Variants in SUPT3H observed in about 807,000 individuals in gnomAD.
The protein encoded by SUPT3H is transcription initiation protein SPT3 homolog.
A neutral mutation model predicts 44.3 loss-of-function variants in SUPT3H; 44 were observed. That is an observed-to-expected ratio of 0.99 (90% confidence interval 0.78 to 1.28). The LOEUF (loss-of-function observed/expected upper bound fraction) is 1.28, where lower values mean the gene tolerates loss of function less well. Ranked by LOEUF, SUPT3H falls within the 50% of genes most tolerant of loss-of-function variation. The pLI, the probability that SUPT3H is intolerant of heterozygous loss-of-function variation, is 0.00. For synonymous variants in SUPT3H, 124 were observed against 125.6 expected (o/e 0.99, Z 0.09); for missense variants, 380 against 387.1 (o/e 0.98, Z 0.15).
chr6:44,942,446 A>G (rs1772598046), intron 9 of SUPT3H, among the ~76,000 whole-genome samples: 1 of 152,218 alleles, frequency 6.6e-6, no homozygotes, highest in Non-Finnish European at 1.5e-5. Flanking sequence ...CAGTGGGTAG[A>G]GGAGTGGCTA....
Position 45,351,933 on chromosome 6 carries a change from C to T in SUPT3H, c.101+13268G>A, listed in dbSNP as rs144966063. On this transcript the variant is annotated intron_variant, in intron 2 of 10. Coordinates refer to ENST00000371459, the MANE Select transcript of SUPT3H (RefSeq NM_003599.4). The stretch of plus-strand genomic sequence containing the variant: ...GCTGAGTCACTGACAACTTAGGCAA[C>T]AATTAGTATACTCCTAATTAGCTTT... Among the ~76,000 whole-genome samples, 727 of 152,270 alleles carry T rather than the reference C, an allele frequency of 4.8e-3. 4 individuals are homozygous for T. Among genetic ancestry groups the T allele is most frequent in the African/African-American group, 0.017 (694 of 41,546 alleles).
chr6:45,071,876 C>A (rs1353371837), intron 3 of SUPT3H, among the ~76,000 whole-genome samples: 1 of 152,126 alleles, frequency 6.6e-6, no homozygotes, highest in Non-Finnish European at 1.5e-5. Context: ...TGTTGGTATT[C>A]CCTGGATTAT....
chr6:45,207,899 A>T (rs1763443706), intron 2 of SUPT3H, among the ~76,000 whole-genome samples: 1 of 152,168 alleles, frequency 6.6e-6, no homozygotes, highest in Admixed American at 6.6e-5. Context: ...TAACCCTACA[A>T]TGGCCTCTAA....
At position 45,220,739 on chromosome 6, in the gene SUPT3H, A is replaced by C. The variant is rs564509989; in HGVS notation, c.102-114733T>G. Among the ~76,000 whole-genome samples, 4 of 152,324 alleles carry C rather than the reference A, an allele frequency of 2.6e-5. No homozygotes were observed. The South Asian group carries it at 8.3e-4, about 32-fold the overall frequency. Reference sequence around the variant, plus strand: ...CAGAGTGAACCCTAGAAGAAAACCTAGGCCATACCATTCAGGACACAGGCA... The same window carrying C: ...CAGAGTGAACCCTAGAAGAAAACCTCGGCCATACCATTCAGGACACAGGCA... On this transcript the variant is annotated intron_variant, in intron 2 of 10. Transcript: ENST00000371459.
At chr6:44,900,812 CCT>C (rs769079169) in intron 10 of SUPT3H, among the ~76,000 whole-genome samples, 2 of 152,158 alleles carry the variant, frequency 1.3e-5, no homozygotes, top group Non-Finnish European at 2.9e-5. Flanking sequence ...CGGGTACTCC[CCT>C]GAGACAAAAC....
chr6:44,870,347 A>G lies in SUPT3H; in HGVS notation c.913-40490T>C, dbSNP rs374230690. Among the ~76,000 whole-genome samples, 8 of 152,320 alleles carry G rather than the reference A, an allele frequency of 5.3e-5. No individual in the cohort carries two copies. In the South Asian group the frequency reaches 1.2e-3, roughly 24 times the overall value. Reference sequence around the variant, plus strand: ...CGTGGTGGTTCATGCCTGTAATCCCAGCACTTCGTGAGTCTGAGGCAGGAG... The same window carrying G: ...CGTGGTGGTTCATGCCTGTAATCCCGGCACTTCGTGAGTCTGAGGCAGGAG... On this transcript the variant is annotated intron_variant, in intron 10 of 10. Transcript: ENST00000371459.
rs1290913494 is a variant in SUPT3H at position 44,829,394 on chromosome 6, GA to G, written c.*421del. The G allele has an allele frequency of 6.4e-6, 1 of 156,026 alleles. No individual in the cohort carries two copies. The highest frequency in any genetic ancestry group is 2.4e-5 in the African/African-American group (1 of 41,522). The allele number at this position is 156,026 out of a possible 1,614,324, so 9.7% of individuals were successfully genotyped here. The stretch of plus-strand genomic sequence containing the variant: ...GGAAAGTAAAGTTGGTGGTGTAAGG[GA>G]AGGCGAAAACTCACTGTCCTTTTAA... On this transcript the variant is annotated 3_prime_UTR_variant, in exon 11 of 11. Transcript: ENST00000371459.
At position 45,136,183 on chromosome 6, in the gene SUPT3H, A is replaced by G. The variant is rs1430645392; in HGVS notation, c.102-30177T>C. Among the ~76,000 whole-genome samples the G allele has an allele frequency of 2.6e-5, 4 of 152,236 alleles. 1 individual carries two copies. Among genetic ancestry groups the G allele is most frequent in the Non-Finnish European group, 5.9e-5 (4 of 68,036 alleles). ...CTATTTGAGCACAATCTCTGAACTGACTAAACACAAGGCTGTAAGAAACAG... is the reference window on the plus strand; with the variant it reads ...CTATTTGAGCACAATCTCTGAACTGGCTAAACACAAGGCTGTAAGAAACAG... On this transcript the variant is annotated intron_variant, in intron 2 of 10. Coordinates refer to ENST00000371459, the MANE Select transcript of SUPT3H (RefSeq NM_003599.4).
chr6:44,877,795 T>G (rs533215059), intron 10 of SUPT3H, among the ~76,000 whole-genome samples: 1 of 152,344 alleles, frequency 6.6e-6, no homozygotes, highest in East Asian at 1.9e-4. Context: ...TAGAATTCCA[T>G]TATCAGTGAA....
At chr6:45,059,961 G>C (rs554945484) in intron 3 of SUPT3H, among the ~76,000 whole-genome samples, 23 of 152,082 alleles carry the variant, frequency 1.5e-4, no homozygotes, top group African/African-American at 5.5e-4. Context: ...TAAACAAATG[G>C]AATAACATTC....
intron 10 of SUPT3H, among the ~76,000 whole-genome samples, 197 bp from the exon 11 acceptor site, chr6:44,830,054 G>C (rs563657895): frequency 6.6e-6 from 1 of 152,172 alleles, no homozygotes; most frequent in Admixed American, 6.5e-5. Context: ...TGGTTAACAA[G>C]TGGTTAGTGA....
At chr6:45,286,473 CAA>C (rs2149833870) in intron 2 of SUPT3H, among the ~76,000 whole-genome samples, 1 of 152,024 alleles carries the variant, frequency 6.6e-6, no homozygotes, top group Admixed American at 6.6e-5. Flanking sequence ...TTTATGCAAC[CAA>C]AAGACACGTG....
chr6:44,908,335 T>C lies in SUPT3H; in HGVS notation c.912+24318A>G, dbSNP rs1562021294. On this transcript the variant is annotated intron_variant, in intron 10 of 10. Coordinates refer to ENST00000371459, the MANE Select transcript of SUPT3H (RefSeq NM_003599.4). ...CCCAGCTAATTTTTTGTAATTTTAG[T>C]AGAGACGGGGTTTTACCGTGTTAGC... Among the ~76,000 whole-genome samples the C allele has an allele frequency of 3.9e-5, 6 of 152,002 alleles. No homozygotes were observed. In the South Asian group the frequency reaches 8.3e-4, roughly 21 times the overall value.
At chr6:45,344,288 G>A (rs1433427380) in intron 2 of SUPT3H, among the ~76,000 whole-genome samples, 1 of 152,100 alleles carries the variant, frequency 6.6e-6, no homozygotes, top group Non-Finnish European at 1.5e-5. Flanking sequence ...ATACAGTTGG[G>A]AACCACTTCA....
chr6:45,179,711 G>A lies in SUPT3H; in HGVS notation c.102-73705C>T, dbSNP rs557518856. Among the ~76,000 whole-genome samples, 280 of 150,644 alleles carry A rather than the reference G, an allele frequency of 1.9e-3. 1 individual carries two copies. Among genetic ancestry groups the A allele is most frequent in the African/African-American group, 6.3e-3 (259 of 41,332 alleles). ...TGCTAAAAACTCTCAATAAATTAGG[G>A]ACGTATTTCAAAATAGTAAGAGCTA... On this transcript the variant is annotated intron_variant, in intron 2 of 10. Coordinates refer to ENST00000371459, the MANE Select transcript of SUPT3H (RefSeq NM_003599.4).
chr6:45,205,586 C>T (rs1027216708), intron 2 of SUPT3H, among the ~76,000 whole-genome samples: 2 of 152,096 alleles, frequency 1.3e-5, no homozygotes, highest in Admixed American at 1.3e-4. Context: ...CACTTGAGGT[C>T]AGGAGTTTGA....
chr6:44,809,367 A>T (rs1766360856), exon 12 of SUPT3H: 1 of 152,222 alleles, frequency 6.6e-6, no homozygotes. Flanking sequence ...GTTCAAGTAT[A>T]TTGATAGGGT....
At chr6:44,890,828 G>C (rs1460800597) in intron 10 of SUPT3H, among the ~76,000 whole-genome samples, 1 of 151,890 alleles carries the variant, frequency 6.6e-6, no homozygotes, top group Non-Finnish European at 1.5e-5. Flanking sequence ...AACAGGATGA[G>C]TTCATGTCCT....
chr6:45,169,090 T>A (rs918535617), intron 2 of SUPT3H, among the ~76,000 whole-genome samples: 4 of 152,166 alleles, frequency 2.6e-5, no homozygotes, highest in Non-Finnish European at 4.4e-5. Context: ...GAGCATACAA[T>A]TAGAGTCCAC....
Sources: gnomAD v4.1 joint callset for allele counts (sites outside exome capture counted in the v4.1 genomes callset) on GRCh38, gnomAD v4.1.1 for gene constraint, MANE v1.5 for transcripts, NCBI Gene and HGNC (gene_info 2026-07-23, HGNC 2026-07-21) for gene names.